COL8A1: variants seen among roughly 807,000 people sequenced by gnomAD.
COL8A1 encodes the protein collagen alpha-1(VIII) chain.
In COL8A1, 21 loss-of-function variants were observed where a neutral mutation model predicts 42.7. That is an observed-to-expected ratio of 0.49 (90% CI 0.35 to 0.71). The LOEUF is 0.71. COL8A1 is among the 30% of genes least tolerant of loss of function. COL8A1 has a pLI of 0.01. For synonymous variants in COL8A1, 367 were observed against 369.1 expected, an observed-to-expected ratio of 0.99 and a Z score of 0.06; for missense variants, 788 against 962.4, an observed-to-expected ratio of 0.82 and a Z score of 2.40.
At chr3:99,741,128 A>G (rs575621246) in intron 1 of COL8A1, among the ~76,000 whole-genome samples, 1 of 152,152 alleles carries the variant, frequency 6.6e-6, no homozygotes, top group East Asian at 1.9e-4. Flanking sequence ...ATCTTGGCTG[A>G]TTTGATAACT....
chr3:99,647,100 C>T (rs1213740454), intron 1 of COL8A1, among the ~76,000 whole-genome samples: 1 of 152,208 alleles, frequency 6.6e-6, no homozygotes, highest in Non-Finnish European at 1.5e-5. Flanking sequence ...TTTTTATTCA[C>T]TGTATGGCTT....
At chr3:99,686,621 T>A (rs4928140) in intron 1 of COL8A1, among the ~76,000 whole-genome samples, 20,023 of 152,230 alleles carry the variant, frequency 0.13, 1,439 homozygotes, top group Middle Eastern at 0.17. Context: ...TGGGCACTCC[T>A]GCTATAAGTG....
chr3:99,741,217 C>G (rs1940889956), intron 1 of COL8A1, among the ~76,000 whole-genome samples: 1 of 151,916 alleles, frequency 6.6e-6, no homozygotes, highest in Non-Finnish European at 1.5e-5. Context: ...TGTTTATTAG[C>G]TTTTTAATAT....
intron 1 of COL8A1, among the ~76,000 whole-genome samples, chr3:99,648,845 T>C (rs1008932510): frequency 6.6e-6 from 1 of 152,158 alleles, no homozygotes; most frequent in African/African-American, 2.4e-5. Context: ...AAACATGACT[T>C]AAATGTTTCC....
chr3:99,730,535 T>A (rs1169381634), intron 1 of COL8A1, among the ~76,000 whole-genome samples: 1 of 152,128 alleles, frequency 6.6e-6, no homozygotes, highest in African/African-American at 2.4e-5. Context: ...TCCCATGCAC[T>A]CAATGGAGTC....
At chr3:99,675,959 G>T (rs767846793) in intron 1 of COL8A1, among the ~76,000 whole-genome samples, 38 of 151,942 alleles carry the variant, frequency 2.5e-4, no homozygotes, top group Non-Finnish European at 5.3e-4. Context: ...ATGTCTTGGC[G>T]AACTTAAAAG....
At chr3:99,643,669 T>A (rs1322023546) in intron 1 of COL8A1, among the ~76,000 whole-genome samples, 1 of 152,258 alleles carries the variant, frequency 6.6e-6, no homozygotes, top group African/African-American at 2.4e-5. Flanking sequence ...GAGTTCATTT[T>A]AGCCTTAGCA....
chr3:99,681,012 G>A (rs574082720), intron 1 of COL8A1, among the ~76,000 whole-genome samples: 2 of 152,244 alleles, frequency 1.3e-5, no homozygotes, highest in East Asian at 1.9e-4. Context: ...AGACTTAAAT[G>A]TTAGACCTAA....
chr3:99,645,410 G>A (rs1202869564), intron 1 of COL8A1, among the ~76,000 whole-genome samples: 3 of 152,128 alleles, frequency 2.0e-5, no homozygotes, highest in African/African-American at 7.2e-5. Context: ...AAAGAAAGGG[G>A]ATCTGTGGCA....
At chr3:99,778,571 T>C (rs1941737571) in intron 2 of COL8A1, among the ~76,000 whole-genome samples, 1 of 152,118 alleles carries the variant, frequency 6.6e-6, no homozygotes. Context: ...CAAGAATATT[T>C]TACCATCGGT....
chr3:99,795,905 C>T lies in COL8A1; in HGVS notation c.2004C>T (p.His668=), dbSNP rs145251667. ...PGVYYFAYHV[H]CKGGNVWVAL... is the part of the protein sequence containing the mutation. ...TCTACTACTTTGCATACCACGTTCACTGCAAGGGGGGCAACGTGTGGGTTG... is the reference window on the plus strand; with the variant it reads ...TCTACTACTTTGCATACCACGTTCATTGCAAGGGGGGCAACGTGTGGGTTG... Residue 668 remains histidine, a synonymous_variant, in exon 4 of 4, where the codon CAC becomes CAT. Transcript: ENST00000652472. The T allele has an allele frequency of 1.2e-6, 2 of 1,614,204 alleles. No individual in the cohort carries two copies. The highest frequency in any genetic ancestry group is 1.7e-6 in the Non-Finnish European group (2 of 1,180,018).
At chr3:99,764,571 T>C (rs1941423578) in intron 2 of COL8A1, among the ~76,000 whole-genome samples, 1 of 152,194 alleles carries the variant, frequency 6.6e-6, no homozygotes, top group Admixed American at 6.5e-5. Context: ...TCCAGTCCTG[T>C]TACTTACTGA....
intron 1 of COL8A1, among the ~76,000 whole-genome samples, chr3:99,739,414 C>A (rs1940834167): frequency 6.6e-6 from 1 of 152,196 alleles, no homozygotes; most frequent in South Asian, 2.1e-4. Flanking sequence ...GGGGACCAAC[C>A]CCACATTTTC....
chr3:99,674,337 C>T (rs1276326700), intron 1 of COL8A1, among the ~76,000 whole-genome samples: 1 of 151,850 alleles, frequency 6.6e-6, no homozygotes, highest in Non-Finnish European at 1.5e-5. Context: ...GCTTACTCCA[C>T]CCTGTCAACT....
chr3:99,770,921 C>T (rs80020661), intron 2 of COL8A1, among the ~76,000 whole-genome samples: 72 of 152,266 alleles, frequency 4.7e-4, no homozygotes, highest in Middle Eastern at 6.8e-3. Context: ...ACTGGGTTTG[C>T]GCACTGCCTT....
At chr3:99,721,782 T>G (rs1940163591) in intron 1 of COL8A1, among the ~76,000 whole-genome samples, 1 of 151,902 alleles carries the variant, frequency 6.6e-6, no homozygotes, top group East Asian at 1.9e-4. Context: ...TGTCTGCAAG[T>G]GAAAGGGCAG....
intron 1 of COL8A1, among the ~76,000 whole-genome samples, chr3:99,737,132 A>T (rs1339654151): frequency 2.0e-5 from 3 of 152,166 alleles, no homozygotes; most frequent in Non-Finnish European, 4.4e-5. Context: ...GTGTCTCTGC[A>T]CGTGAGATGG....
chr3:99,727,836 C>T (rs1445754610), intron 1 of COL8A1, among the ~76,000 whole-genome samples: 4 of 151,962 alleles, frequency 2.6e-5, no homozygotes, highest in Admixed American at 1.3e-4. Context: ...GCTGGTTCAA[C>T]ATACACAAAT....
chr3:99,669,917 C>G (rs927149207), intron 1 of COL8A1, among the ~76,000 whole-genome samples: 1 of 151,978 alleles, frequency 6.6e-6, no homozygotes, highest in Non-Finnish European at 1.5e-5. Context: ...GAAATTTTTA[C>G]AACTAGTTCT....
Sources: gnomAD v4.1 joint callset for allele counts (sites outside exome capture counted in the v4.1 genomes callset) on GRCh38, gnomAD v4.1.1 for gene constraint, MANE v1.5 for transcripts, NCBI Gene and HGNC (gene_info 2026-07-23, HGNC 2026-07-21) for gene names.